SPATS2L: variants seen among roughly 807,000 people sequenced by gnomAD.
SPATS2L encodes the protein SPATS2-like protein.
SPATS2L carries 30 observed loss-of-function variants against 59.6 expected under a neutral mutation model. The observed-to-expected ratio is 0.50, with a 90% CI of 0.38 to 0.68. The LOEUF (loss-of-function observed/expected upper bound fraction) is 0.68, where lower values mean the gene tolerates loss of function less well. Among genes scored for constraint, SPATS2L ranks in the 30% least tolerant of loss-of-function variants. The pLI is 0.00. For synonymous variants in SPATS2L, 252 were observed against 263.5 expected (o/e 0.96, Z 0.42); for missense variants, 615 against 700.0 (o/e 0.88, Z 1.37).
chr2:200,344,041 T>G (rs1308907528), intron 2 of SPATS2L, among the ~76,000 whole-genome samples: 1 of 151,590 alleles, frequency 6.6e-6, no homozygotes, highest in African/African-American at 2.4e-5. Context: ...TAGAGGTTAT[T>G]TTTTTTAAAA....
intron 7 of SPATS2L, among the ~76,000 whole-genome samples, chr2:200,440,311 A>G (rs1237558027): frequency 6.6e-6 from 1 of 152,226 alleles, no homozygotes; most frequent in African/African-American, 2.4e-5. Flanking sequence ...AGTGGTGTTT[A>G]TAGAGAGAGC....
At chr2:200,452,892 T>A (rs1574623057) in intron 8 of SPATS2L, among the ~76,000 whole-genome samples, 2 of 151,326 alleles carry the variant, frequency 1.3e-5, no homozygotes, top group East Asian at 1.9e-4. Context: ...GTGCTGCATT[T>A]AAAAAAAAAA....
At chr2:200,341,586 G>A (rs2080326174) in intron 2 of SPATS2L, among the ~76,000 whole-genome samples, 1 of 151,902 alleles carries the variant, frequency 6.6e-6, no homozygotes, top group Admixed American at 6.6e-5. Context: ...GTTTTTTTAA[G>A]GCTGTTTTGA....
chr2:200,466,488 C>A (rs2086612707), intron 9 of SPATS2L, among the ~76,000 whole-genome samples: 1 of 152,230 alleles, frequency 6.6e-6, no homozygotes, highest in Non-Finnish European at 1.5e-5. Flanking sequence ...CACACAGACA[C>A]AAACCAACTG....
chr2:200,329,781 C>CAAA (rs3036485), intron 2 of SPATS2L, among the ~76,000 whole-genome samples: 4,438 of 144,858 alleles, frequency 0.031, 103 homozygotes, highest in Admixed American at 0.073. Flanking sequence ...TTTGAAGTAC[C>CAAA]AAAAAAAAAA....
chr2:200,376,743 A>G (rs528504033), intron 2 of SPATS2L, among the ~76,000 whole-genome samples: 1 of 152,378 alleles, frequency 6.6e-6, no homozygotes, highest in East Asian at 1.9e-4. Context: ...CATGGAACAC[A>G]AATGACCCTG....
At chr2:200,453,928 C>G (rs919160570) in intron 8 of SPATS2L, among the ~76,000 whole-genome samples, 1 of 152,130 alleles carries the variant, frequency 6.6e-6, no homozygotes, top group African/African-American at 2.4e-5. Flanking sequence ...TCATAGCATC[C>G]TTTCTCTCCA....
chr2:200,311,577 T>C (rs886137384), intron 1 of SPATS2L, among the ~76,000 whole-genome samples: 1 of 152,192 alleles, frequency 6.6e-6, no homozygotes, highest in Non-Finnish European at 1.5e-5. Context: ...GCAGGGCTGC[T>C]CAAGTTTTTC....
At chr2:200,422,231 A>G (rs1005857978) in intron 6 of SPATS2L, among the ~76,000 whole-genome samples, 3 of 152,180 alleles carry the variant, frequency 2.0e-5, no homozygotes, top group African/African-American at 7.2e-5. Flanking sequence ...CTGTGCAATA[A>G]ATTTTTCTGT....
chr2:200,351,002 A>G (rs1304315965), intron 2 of SPATS2L, among the ~76,000 whole-genome samples: 1 of 152,194 alleles, frequency 6.6e-6, no homozygotes, highest in East Asian at 1.9e-4. Context: ...ATCACACCAT[A>G]TGTTCAGTCA....
At chr2:200,411,216 T>TA (rs2082866746) in intron 3 of SPATS2L, among the ~76,000 whole-genome samples, 1 of 152,110 alleles carries the variant, frequency 6.6e-6, no homozygotes, top group Admixed American at 6.5e-5. Context: ...ACAACCTAAA[T>TA]ACTCTTACAT....
chr2:200,348,979 G>A (rs181108996), intron 2 of SPATS2L, among the ~76,000 whole-genome samples: 158 of 152,164 alleles, frequency 1.0e-3, no homozygotes, highest in African/African-American at 3.7e-3. Flanking sequence ...GTAGAAAAAT[G>A]GAGAGTCAGT....
At position 200,479,965 on chromosome 2, in the gene SPATS2L, T is replaced by C. The variant is rs1333780464; in HGVS notation, c.*1934T>C. 2.6e-6 allele frequency: 1 copy of C among 383,532 alleles called. No homozygotes were observed. The highest frequency in any genetic ancestry group is 2.1e-5 in the African/African-American group (1 of 48,424). 23.8% of individuals were successfully genotyped at this position (383,532 alleles called of 1,614,324 possible). A position where few individuals can be genotyped will look rare whatever the true frequency, so the allele number is the denominator to read the frequency against. Reference sequence around the variant, plus strand: ...TTCGTTCAAATAAGAAAGATAAATGTTCGGCACTGTAGGCCCTGTTTACCC... The same window carrying C: ...TTCGTTCAAATAAGAAAGATAAATGCTCGGCACTGTAGGCCCTGTTTACCC... On this transcript the variant is annotated 3_prime_UTR_variant, in exon 13 of 13. Transcript: ENST00000409140.
At chr2:200,311,079 A>G (rs2105744357) in intron 1 of SPATS2L, among the ~76,000 whole-genome samples, 1 of 152,368 alleles carries the variant, frequency 6.6e-6, no homozygotes, top group African/African-American at 2.4e-5. Context: ...TACACCGATA[A>G]AATGAATAAA....
intron 2 of SPATS2L, among the ~76,000 whole-genome samples, chr2:200,384,336 T>TTTTATTTATTTA (rs10592541): frequency 2.3e-3 from 337 of 148,192 alleles, no homozygotes; most frequent in African/African-American, 7.9e-3. Context: ...GGTTCATAAA[T>TTTTATTTATTTA]TTTATTTATT....
chr2:200,310,152 T>C (rs2079147545), intron 1 of SPATS2L, among the ~76,000 whole-genome samples: 1 of 152,226 alleles, frequency 6.6e-6, no homozygotes, highest in South Asian at 2.1e-4. Context: ...AGACTTTTTA[T>C]GGTGGATGGC....
rs770054547 is a variant in SPATS2L, at chr2:200,481,249, A to G, written c.*3218A>G. On this transcript the variant is annotated 3_prime_UTR_variant, in exon 13 of 13. Transcript: ENST00000409140. ...CAAGCAGTTCAATTCTGCTGGCATC[A>G]GAAAAGGAGATTCTAATTAAACATT... 2 of 152,266 alleles carry G rather than the reference A, an allele frequency of 1.3e-5. No individual in the cohort carries two copies. Among genetic ancestry groups the G allele is most frequent in the Non-Finnish European group, 2.9e-5 (2 of 68,052 alleles). The allele number at this position is 152,266 out of a possible 1,614,324, so 9.4% of individuals were successfully genotyped here. A position where few individuals can be genotyped will look rare whatever the true frequency, so the allele number is the denominator to read the frequency against.
intron 8 of SPATS2L, among the ~76,000 whole-genome samples, chr2:200,444,887 T>TC (rs2084932749): frequency 6.6e-6 from 1 of 152,154 alleles, no homozygotes; most frequent in African/African-American, 2.4e-5. Context: ...CTTTTCTCTT[T>TC]TTTTTTAACT....
chr2:200,384,358 T>G (rs1268855419), intron 2 of SPATS2L, among the ~76,000 whole-genome samples: 1 of 151,658 alleles, frequency 6.6e-6, no homozygotes, highest in South Asian at 2.1e-4. Flanking sequence ...ATTTATTTAT[T>G]TATTTATTTA....
Sources: gnomAD v4.1 joint callset for allele counts (sites outside exome capture counted in the v4.1 genomes callset) on GRCh38, gnomAD v4.1.1 for gene constraint, MANE v1.5 for transcripts, NCBI Gene and HGNC (gene_info 2026-07-23, HGNC 2026-07-21) for gene names.